SLIT2: variants seen among roughly 807,000 people sequenced by gnomAD.
SLIT2 encodes the protein slit homolog 2 protein.
SLIT2 carries 41 observed loss-of-function variants against 185.7 expected under a neutral mutation model. That is an observed-to-expected ratio of 0.22 (90% CI 0.17 to 0.29). The LOEUF is 0.29. Ranked by LOEUF, SLIT2 falls within the 10% of genes least tolerant of loss-of-function variation. The pLI, the probability that SLIT2 is intolerant of heterozygous loss-of-function variation, is 1.00. For missense variants in SLIT2, 1,571 were observed against 1,909.0 expected (o/e 0.82, Z 3.30); for synonymous variants, 693 against 680.2 (o/e 1.02, Z -0.29).
At chr4:20,570,846 G>A (rs1725545865) in intron 29 of SLIT2, among the ~76,000 whole-genome samples, 1 of 150,766 alleles carries the variant, frequency 6.6e-6, no homozygotes, top group South Asian at 2.1e-4. Context: ...CTAGAAGGTG[G>A]TTGAGGACTC....
At chr4:20,400,897 G>A (rs1160567490) in intron 4 of SLIT2, among the ~76,000 whole-genome samples, 1 of 151,756 alleles carries the variant, frequency 6.6e-6, no homozygotes, top group East Asian at 1.9e-4. Context: ...CTCAAGGGTG[G>A]TATCCATAAA....
chr4:20,509,907 T>G (rs1719552646), intron 9 of SLIT2, among the ~76,000 whole-genome samples: 1 of 152,190 alleles, frequency 6.6e-6, no homozygotes, highest in African/African-American at 2.4e-5. Flanking sequence ...ATTCACAAAA[T>G]GAATCCACAG....
At chr4:20,287,266 C>G (rs990262892) in intron 4 of SLIT2, among the ~76,000 whole-genome samples, 1 of 152,186 alleles carries the variant, frequency 6.6e-6, no homozygotes, top group Non-Finnish European at 1.5e-5. Flanking sequence ...CCCGCTTTCT[C>G]TGCTCTACTG....
chr4:20,450,542 C>T (rs915419203), intron 4 of SLIT2, among the ~76,000 whole-genome samples: 1 of 152,102 alleles, frequency 6.6e-6, no homozygotes, highest in East Asian at 1.9e-4. Context: ...TCCAGATGGA[C>T]AAGACCATAT....
chr4:20,608,231 C>T (rs1346746753), intron 33 of SLIT2, among the ~76,000 whole-genome samples: 1 of 151,974 alleles, frequency 6.6e-6, no homozygotes, highest in Non-Finnish European at 1.5e-5. Context: ...TTAGCATTTA[C>T]TGAAGAGAAA....
At chr4:20,274,755 TC>T (rs1381712594) in intron 4 of SLIT2, among the ~76,000 whole-genome samples, 1 of 151,484 alleles carries the variant, frequency 6.6e-6, no homozygotes, top group African/African-American at 2.4e-5. Flanking sequence ...TTTTTTTTTT[TC>T]ACTCAGCTGT....
At chr4:20,600,205 A>T (rs992866176) in intron 33 of SLIT2, among the ~76,000 whole-genome samples, 6 of 152,028 alleles carry the variant, frequency 3.9e-5, no homozygotes, top group African/African-American at 1.4e-4. Context: ...CTCAGAAGCC[A>T]TAGTAAAGGT....
At chr4:20,386,372 GCTT>G (rs762587317) in intron 4 of SLIT2, among the ~76,000 whole-genome samples, 18 of 152,162 alleles carry the variant, frequency 1.2e-4, no homozygotes, top group African/African-American at 4.3e-4. Flanking sequence ...TGCTAAAAAT[GCTT>G]CTTTAATAAC....
At chr4:20,370,390 A>G (rs1473794693) in intron 4 of SLIT2, among the ~76,000 whole-genome samples, 1 of 152,102 alleles carries the variant, frequency 6.6e-6, no homozygotes, top group Non-Finnish European at 1.5e-5. Flanking sequence ...GGTTAAACAG[A>G]GAGTGTATAG....
intron 4 of SLIT2, among the ~76,000 whole-genome samples, chr4:20,465,544 G>C (rs1714242271): frequency 1.3e-5 from 2 of 152,050 alleles, no homozygotes; most frequent in Non-Finnish European, 2.9e-5. Context: ...ATCTACTCAG[G>C]GGACAACCAC....
chr4:20,540,351 A>G (rs1272532245), intron 19 of SLIT2, among the ~76,000 whole-genome samples: 1 of 152,098 alleles, frequency 6.6e-6, no homozygotes, highest in East Asian at 1.9e-4. Flanking sequence ...CCAGATCAAA[A>G]ATAAAAGCTG....
In SLIT2 at chr4:20,301,748, C is replaced by T. The variant is rs1577394348; in HGVS notation, c.395+32867C>T. On this transcript the variant is annotated intron_variant, in intron 4 of 36. Transcript: ENST00000504154. ...GAGATTAAAAAATGTTAAAGAGAACCATTTTAGAATAATCCTCTCTCTCCT... is the reference window on the plus strand; with the variant it reads ...GAGATTAAAAAATGTTAAAGAGAACTATTTTAGAATAATCCTCTCTCTCCT... 2.0e-5 allele frequency among the ~76,000 whole-genome samples: 3 copies of T among 152,128 alleles called. No homozygotes were observed. The South Asian group carries it at 6.2e-4, about 32-fold the overall frequency.
chr4:20,383,209 G>T (rs945421227), intron 4 of SLIT2, among the ~76,000 whole-genome samples: 1 of 152,066 alleles, frequency 6.6e-6, no homozygotes, highest in African/African-American at 2.4e-5. Flanking sequence ...TTATAGCAAA[G>T]ATTTCTTAAA....
chr4:20,443,582 TAAAAAAAAAAAAA>T (rs71653885), intron 4 of SLIT2, among the ~76,000 whole-genome samples: 2 of 63,054 alleles, frequency 3.2e-5, no homozygotes, highest in East Asian at 1.3e-3. Context: ...GGAGAAAATC[TAAAAAAAAAAAAA>T]AAAAAAAAAA....
In SLIT2 at chr4:20,617,475, C is replaced by T; in HGVS notation, c.4173C>T (p.Phe1391=). ...GCACCTGCTTGCCCATCAATGCGTT[C>T]TCCTACAGCTGTAAGTGCTTGGAGG... is the stretch of plus-strand genomic sequence containing the variant. ...VHGTCLPINA[F]SYSCKCLEGH... The change falls in exon 36 of 37, where the codon TTC becomes TTT. Residue 1391 remains phenylalanine, a synonymous_variant. Coordinates refer to ENST00000504154, the MANE Select transcript of SLIT2 (RefSeq NM_004787.4). The T allele has an allele frequency of 6.2e-7, 1 of 1,614,132 alleles. No individual in the cohort carries two copies. The highest frequency in any genetic ancestry group is 8.5e-7 in the Non-Finnish European group (1 of 1,180,010).
chr4:20,300,213 G>A (rs1389939169), intron 4 of SLIT2, among the ~76,000 whole-genome samples: 2 of 152,004 alleles, frequency 1.3e-5, no homozygotes, highest in Non-Finnish European at 2.9e-5. Context: ...AAAAAGTAAA[G>A]ATCCTAAACT....
intron 4 of SLIT2, among the ~76,000 whole-genome samples, chr4:20,437,039 C>T (rs1385670476): frequency 6.6e-6 from 1 of 152,160 alleles, no homozygotes. Context: ...GCAGTAAGCA[C>T]TTAATAAATG....
chr4:20,519,326 G>A, intron 11 of SLIT2, 56 bp from the exon 12 acceptor site: 1 of 859,792 alleles, frequency 1.2e-6, no homozygotes, highest in Non-Finnish European at 2.0e-6. Flanking sequence ...TGTATTAGAT[G>A]AATTTGTTAT....
At chr4:20,614,179 A>G (rs1040052698) in intron 34 of SLIT2, among the ~76,000 whole-genome samples, 4 of 152,018 alleles carry the variant, frequency 2.6e-5, no homozygotes, top group African/African-American at 9.7e-5. Context: ...GGCCGACACA[A>G]AATAATTTAG....
Sources: gnomAD v4.1 joint callset for allele counts (sites outside exome capture counted in the v4.1 genomes callset) on GRCh38, gnomAD v4.1.1 for gene constraint, MANE v1.5 for transcripts, NCBI Gene and HGNC (gene_info 2026-07-23, HGNC 2026-07-21) for gene names.